Variants in ROBO2 observed in about 807,000 individuals in gnomAD.
ROBO2 encodes roundabout guidance receptor 2, also known as roundabout homolog 2.
A neutral mutation model predicts 160.8 loss-of-function variants in ROBO2; 53 were observed. The ratio of observed to expected loss-of-function variants is 0.33; its 90% confidence interval spans 0.26 to 0.41. The LOEUF (loss-of-function observed/expected upper bound fraction) is 0.41, where lower values mean the gene tolerates loss of function less well. Among genes scored for constraint, ROBO2 ranks in the 10% least tolerant of loss-of-function variants. ROBO2 has a pLI of 1.00. For synonymous variants in ROBO2, 664 were observed against 611.7 expected, an observed-to-expected ratio of 1.09 and a Z score of -1.26; for missense variants, 1,577 against 1,722.4, an observed-to-expected ratio of 0.92 and a Z score of 1.49.
At chr3:76,315,712 T>G (rs2071961443) in intron 2 of ROBO2, among the ~76,000 whole-genome samples, 3 of 152,162 alleles carry the variant, frequency 2.0e-5, no homozygotes, top group African/African-American at 7.2e-5. Flanking sequence ...AATAAAAAAT[T>G]TACTGCCTCA....
At chr3:77,050,162 G>A (rs1231439649) in intron 1 of ROBO2, among the ~76,000 whole-genome samples, 1 of 152,018 alleles carries the variant, frequency 6.6e-6, no homozygotes, top group East Asian at 1.9e-4. Context: ...CTAGCAACAG[G>A]CACTCTTGTA....
intron 2 of ROBO2, among the ~76,000 whole-genome samples, chr3:76,542,643 TCAC>T (rs1210642057): frequency 6.6e-6 from 1 of 152,158 alleles, no homozygotes; most frequent in Non-Finnish European, 1.5e-5. Context: ...CTAGATCTGC[TCAC>T]CTTTTTTCTG....
At chr3:76,314,492 A>T (rs950832172) in intron 2 of ROBO2, among the ~76,000 whole-genome samples, 1 of 152,002 alleles carries the variant, frequency 6.6e-6, no homozygotes, top group Non-Finnish European at 1.5e-5. Context: ...CCCTTGAATG[A>T]CACAGGTTTG....
At chr3:76,120,356 G>T (rs936015961) in intron 2 of ROBO2, among the ~76,000 whole-genome samples, 1 of 151,288 alleles carries the variant, frequency 6.6e-6, no homozygotes. Flanking sequence ...GGTTGTGAGT[G>T]GTAGGGCAAG....
chr3:75,931,168 G>A (rs1337405054), intron 1 of ROBO2, among the ~76,000 whole-genome samples: 4 of 152,064 alleles, frequency 2.6e-5, no homozygotes, highest in African/African-American at 9.7e-5. Context: ...CCAATTCACA[G>A]GTTTCTTCTA....
chr3:77,367,076 G>A (rs1438312471), intron 2 of ROBO2, among the ~76,000 whole-genome samples: 2 of 152,108 alleles, frequency 1.3e-5, no homozygotes, highest in East Asian at 1.9e-4. Flanking sequence ...AACAGATTTA[G>A]ACACTCACTT....
chr3:76,554,205 T>G (rs1327126467), intron 2 of ROBO2, among the ~76,000 whole-genome samples: 1 of 152,136 alleles, frequency 6.6e-6, no homozygotes, highest in African/African-American at 2.4e-5. Context: ...TGTGGAGAGA[T>G]ATTTGAAGAA....
chr3:76,966,009 G>A (rs765542913), intron 2 of ROBO2, among the ~76,000 whole-genome samples: 3 of 141,116 alleles, frequency 2.1e-5, no homozygotes, highest in Non-Finnish European at 3.0e-5. Context: ...CACAACCTCC[G>A]CCTTCTGGGT....
At chr3:76,385,295 C>CAA (rs1559859626) in intron 2 of ROBO2, among the ~76,000 whole-genome samples, 2 of 152,114 alleles carry the variant, frequency 1.3e-5, no homozygotes, top group South Asian at 4.2e-4. Context: ...CCCAGCCTGC[C>CAA]AAGTGTCTTT....
At chr3:77,452,460 T>G (rs1247417227) in intron 2 of ROBO2, among the ~76,000 whole-genome samples, 1 of 152,172 alleles carries the variant, frequency 6.6e-6, no homozygotes, top group Non-Finnish European at 1.5e-5. Flanking sequence ...ACGAAAAGCA[T>G]GCTTATAAGT....
rs1455892425 is a variant in ROBO2, at chr3:77,359,819, C to T, written c.389-117595C>T. On this transcript the variant is annotated intron_variant, in intron 2 of 25. Transcript: ENST00000461745. ...TCAGCCTCCCAAGTAGCTGGGACTG[C>T]AGACACATGCCACCACACTCACCAA... Among the ~76,000 whole-genome samples, 8 of 152,102 alleles carry T rather than the reference C, an allele frequency of 5.3e-5. No individual in the cohort carries two copies. In the East Asian group the frequency reaches 1.2e-3, roughly 22 times the overall value.
intron 2 of ROBO2, among the ~76,000 whole-genome samples, chr3:76,566,605 T>C (rs2084540850): frequency 6.6e-6 from 1 of 152,186 alleles, no homozygotes; most frequent in Non-Finnish European, 1.5e-5. Flanking sequence ...AAATAAAAGA[T>C]GCACCACAGT....
At chr3:77,552,767 T>C (rs2092965218) in intron 8 of ROBO2, among the ~76,000 whole-genome samples, 1 of 152,024 alleles carries the variant, frequency 6.6e-6, no homozygotes, top group Non-Finnish European at 1.5e-5. Context: ...AAGAACTAAA[T>C]ATGTACACAC....
intron 2 of ROBO2, among the ~76,000 whole-genome samples, chr3:75,991,422 G>A (rs894472978): frequency 6.6e-6 from 1 of 152,052 alleles, no homozygotes; most frequent in African/African-American, 2.4e-5. Flanking sequence ...CACAAGATCT[G>A]ATGGTTATAA....
chr3:76,110,489 C>A (rs1045472538), intron 2 of ROBO2, among the ~76,000 whole-genome samples: 1 of 151,976 alleles, frequency 6.6e-6, no homozygotes, highest in African/African-American at 2.4e-5. Flanking sequence ...GCTTGAATAG[C>A]AAATTCTGTG....
intron 1 of ROBO2, among the ~76,000 whole-genome samples, chr3:77,051,523 TC>T (rs1389499016): frequency 6.6e-6 from 1 of 152,220 alleles, no homozygotes; most frequent in African/African-American, 2.4e-5. Flanking sequence ...TATGAAACTC[TC>T]CAGATTTTTG....
intron 21 of ROBO2, among the ~76,000 whole-genome samples, chr3:77,610,809 TAGC>T (rs904950842): frequency 1.2e-4 from 10 of 81,326 alleles, no homozygotes; most frequent in Non-Finnish European, 2.3e-4. Context: ...AAACAGGAAA[TAGC>T]AGATAGTCCC....
intron 1 of ROBO2, among the ~76,000 whole-genome samples, chr3:77,055,620 G>A (rs192835151): frequency 2.0e-5 from 3 of 152,182 alleles, no homozygotes; most frequent in East Asian, 1.9e-4. Flanking sequence ...ACTCATTTAC[G>A]CATAATATAT....
intron 2 of ROBO2, among the ~76,000 whole-genome samples, chr3:77,010,970 T>C (rs1407728610): frequency 1.3e-5 from 2 of 150,128 alleles, no homozygotes; most frequent in Non-Finnish European, 3.0e-5. Context: ...CCTCTCTGTA[T>C]TGCTTTTCCT....
Sources: allele counts gnomAD v4.1 joint callset (sites outside exome capture counted in the v4.1 genomes callset), GRCh38; gene constraint gnomAD v4.1.1; transcripts MANE v1.5; gene names NCBI Gene and HGNC (gene_info 2026-07-23, HGNC 2026-07-21).